The following TMEM123 variants were observed in gnomAD, a reference collection of about 807,000 sequenced individuals.
TMEM123 encodes porimin.
Under a neutral mutation model 19.7 loss-of-function variants are expected in TMEM123, and 16 were observed. The ratio of observed to expected loss-of-function variants is 0.81; its 90% CI spans 0.55 to 1.23. The LOEUF (loss-of-function observed/expected upper bound fraction) is 1.23. Ranked by LOEUF, TMEM123 falls within the 50% of genes most tolerant of loss-of-function variation. TMEM123 has a pLI of 0.00. For synonymous variants in TMEM123, 118 were observed against 99.4 expected (o/e 1.19, Z -1.12); for missense variants, 313 against 257.8 (o/e 1.21, Z -1.47).
At chr11:102,452,304 G>T in intron 1 of TMEM123, 1 of 398,868 alleles carries the variant, frequency 2.5e-6, no homozygotes, top group Non-Finnish European at 4.4e-6. Context: ...AAGCGAGAGG[G>T]GAAGCACCAG....
At chr11:102,408,782 A>G (rs184026353) in intron 2 of TMEM123, among the ~76,000 whole-genome samples, 61 of 152,338 alleles carry the variant, frequency 4.0e-4, no homozygotes, top group Middle Eastern at 3.4e-3. Flanking sequence ...GGAAGAACAC[A>G]CTACTGGGAT....
In TMEM123 at chr11:102,401,699, CAAAAG is replaced by C. The variant is rs765922723; in HGVS notation, c.449-12_449-8del. On this transcript the variant is annotated splice_polypyrimidine_tract_variant and splice_region_variant and intron_variant, in intron 3 of 4. Coordinates refer to ENST00000398136, the MANE Select transcript of TMEM123 (RefSeq NM_052932.3). ...GAATGCATAGTTGTTGTGACTAGAA[CAAAAG>C]AAAACAAAAAAGGGCTTTAGCGTTA... 6 of 1,564,298 alleles carry C rather than the reference CAAAAG, an allele frequency of 3.8e-6. No homozygotes were observed. In the African/African-American group the frequency reaches 4.2e-5, roughly 11 times the overall value.
chr11:102,397,890 A>G lies in TMEM123; in HGVS notation c.*977T>C, dbSNP rs1254222683. On this transcript the variant is annotated 3_prime_UTR_variant, in exon 5 of 5. Coordinates refer to ENST00000398136, the MANE Select transcript of TMEM123 (RefSeq NM_052932.3). ...AATTCTAAATGTTCTTTTGAAAATCATACAAGCGGTTCTTTTTCTTAAAGT... is the reference window on the plus strand; with the variant it reads ...AATTCTAAATGTTCTTTTGAAAATCGTACAAGCGGTTCTTTTTCTTAAAGT... 1 of 152,202 alleles carries G rather than the reference A, an allele frequency of 6.6e-6. No individual in the cohort carries two copies. The highest frequency in any genetic ancestry group is 1.5e-5 in the Non-Finnish European group (1 of 68,018). 9.4% of individuals were successfully genotyped at this position (152,202 alleles called of 1,614,324 possible).
At chr11:102,409,109 C>T (rs2135846186) in intron 2 of TMEM123, among the ~76,000 whole-genome samples, 1 of 152,236 alleles carries the variant, frequency 6.6e-6, no homozygotes, top group South Asian at 2.1e-4. Flanking sequence ...GCATCAAATA[C>T]ACACTTAAAC....
chr11:102,421,937 G>T (rs1465206882), intron 2 of TMEM123, among the ~76,000 whole-genome samples: 4 of 152,218 alleles, frequency 2.6e-5, no homozygotes, highest in Admixed American at 1.3e-4. Context: ...TAAATGCCCT[G>T]AAGTGCTGTT....
rs1205512931 is a variant in TMEM123, at chr11:102,396,851, G to A, written c.*2016C>T. 3.3e-5 allele frequency: 5 copies of A among 152,164 alleles called. No homozygotes were observed. Among genetic ancestry groups the A allele is most frequent in the Non-Finnish European group, 5.9e-5 (4 of 68,018 alleles). 9.4% of individuals were successfully genotyped at this position (152,164 alleles called of 1,614,324 possible). A position where few individuals can be genotyped will look rare whatever the true frequency, so the allele number is the denominator to read the frequency against. On this transcript the variant is annotated 3_prime_UTR_variant, in exon 5 of 5. Transcript: ENST00000398136. ...ATGATGACTTAGTACTTAAAAAGTG[G>A]TTTTTCTATCTTCAAAGTGCTAAAG...
intron 2 of TMEM123, among the ~76,000 whole-genome samples, chr11:102,429,807 A>G (rs1451446323): frequency 6.6e-5 from 10 of 152,230 alleles, no homozygotes; most frequent in African/African-American, 9.7e-5. Context: ...CTGCTCCACC[A>G]TCACTAAAGC....
In TMEM123 at chr11:102,437,523, C is replaced by T. The variant is rs73591519; in HGVS notation, c.157+11289G>A. 6.5e-3 allele frequency among the ~76,000 whole-genome samples: 980 copies of T among 151,644 alleles called. 20 individuals carry two copies. Among genetic ancestry groups the T allele is most frequent in the African/African-American group, 0.023 (930 of 41,314 alleles). ...AAATGTTCCCTTTCATAGTTCACAT[C>T]GCAATAAAGAATAGCAGTAGTCCTT... is the stretch of plus-strand genomic sequence containing the variant. On this transcript the variant is annotated intron_variant, in intron 2 of 4. Transcript: ENST00000398136.
intron 2 of TMEM123, chr11:102,448,455 T>C: frequency 3.0e-6 from 1 of 334,292 alleles, no homozygotes; most frequent in Non-Finnish European, 5.9e-6. Context: ...TAGTTTACAG[T>C]GACTTGTTTC....
chr11:102,439,995 G>A (rs751697604), intron 2 of TMEM123, among the ~76,000 whole-genome samples: 1 of 152,162 alleles, frequency 6.6e-6, no homozygotes, highest in Non-Finnish European at 1.5e-5. Context: ...TATAAGTTTA[G>A]AGAAAAAACA....
chr11:102,448,929 T>G (rs1857910872), intron 1 of TMEM123, 61 bp from the exon 2 acceptor site: 2 of 1,532,952 alleles, frequency 1.3e-6, no homozygotes, highest in Admixed American at 3.3e-5. Flanking sequence ...ACTGGCAGTA[T>G]GTGGTTTTCT....
chr11:102,448,245 T>G (rs1162914284), intron 2 of TMEM123: 6 of 456,100 alleles, frequency 1.3e-5, no homozygotes, highest in Non-Finnish European at 2.6e-5. Context: ...CCTTGATGAT[T>G]TACTACTGAT....
chr11:102,403,744 T>A (rs1388133126), intron 2 of TMEM123, among the ~76,000 whole-genome samples: 3 of 152,230 alleles, frequency 2.0e-5, no homozygotes, highest in African/African-American at 4.8e-5. Flanking sequence ...AGATCCCTCA[T>A]AAATGGCTTG....
chr11:102,432,541 G>C (rs576438887), intron 2 of TMEM123, among the ~76,000 whole-genome samples: 13 of 152,276 alleles, frequency 8.5e-5, no homozygotes, highest in Admixed American at 6.5e-4. Context: ...GTAGCAGAGC[G>C]TAAGAGTTTG....
At chr11:102,417,318 G>A (rs944206925) in intron 2 of TMEM123, among the ~76,000 whole-genome samples, 2 of 152,094 alleles carry the variant, frequency 1.3e-5, no homozygotes, top group East Asian at 3.9e-4. Flanking sequence ...CAAAATCAAT[G>A]TACAGAAATC....
chr11:102,450,117 T>G (rs562347202), intron 1 of TMEM123, among the ~76,000 whole-genome samples: 37 of 152,286 alleles, frequency 2.4e-4, no homozygotes, highest in Non-Finnish European at 4.4e-4. Flanking sequence ...CAACCCCCCA[T>G]AGATCTAGAA....
intron 2 of TMEM123, among the ~76,000 whole-genome samples, 157 bp downstream of exon 2, chr11:102,448,654 CT>C (rs1360352396): frequency 6.6e-6 from 1 of 152,154 alleles, no homozygotes; most frequent in Non-Finnish European, 1.5e-5. Flanking sequence ...TTACTGATGT[CT>C]ACTATAGGGC....
intron 2 of TMEM123, among the ~76,000 whole-genome samples, chr11:102,446,286 T>A (rs1428835185): frequency 6.6e-6 from 1 of 152,212 alleles, no homozygotes; most frequent in Non-Finnish European, 1.5e-5. Context: ...GGGGAAATTA[T>A]TTTCTATATA....
Position 102,434,213 on chromosome 11 carries a change from T to G in TMEM123, c.157+14599A>C, listed in dbSNP as rs185151056. Among the ~76,000 whole-genome samples the G allele has an allele frequency of 1.8e-4, 27 of 152,030 alleles. No individual in the cohort carries two copies. In the East Asian group the frequency reaches 5.2e-3, roughly 29 times the overall value. On this transcript the variant is annotated intron_variant, in intron 2 of 4. Transcript: ENST00000398136. ...TACTAATTTACATTCTCACCAACAG[T>G]GTACAAGGGTCCCCCTTGTCCACAT...
Sources: gnomAD v4.1 joint callset for allele counts (sites outside exome capture counted in the v4.1 genomes callset) on GRCh38, gnomAD v4.1.1 for gene constraint, MANE v1.5 for transcripts, NCBI Gene and HGNC (gene_info 2026-07-23, HGNC 2026-07-21) for gene names.